The following NEIL1 variants were observed in gnomAD, a reference collection of about 807,000 sequenced individuals.
NEIL1 encodes the protein endonuclease 8-like 1.
Under a neutral mutation model 44.2 loss-of-function variants are expected in NEIL1, and 31 were observed. The ratio of observed to expected loss-of-function variants is 0.70; its 90% CI spans 0.53 to 0.95. The LOEUF is 0.95. Ranked by LOEUF, NEIL1 falls within the 40% of genes least tolerant of loss-of-function variation. The pLI is 0.00. For synonymous variants in NEIL1, 254 were observed against 209.7 expected, an observed-to-expected ratio of 1.21 and a Z score of -1.83; for missense variants, 549 against 515.5, an observed-to-expected ratio of 1.07 and a Z score of -0.63.
chr15:75,348,275 C>G (rs2071599977), intron 1 of NEIL1: 2 of 963,492 alleles, frequency 2.1e-6, no homozygotes, highest in African/African-American at 1.8e-5. Context: ...GCCAAGCGGC[C>G]GATTCGGCCG....
chr15:75,350,025 G>A (rs2071758477), intron 2 of NEIL1, among the ~76,000 whole-genome samples: 2 of 152,250 alleles, frequency 1.3e-5, no homozygotes, highest in African/African-American at 4.8e-5. Flanking sequence ...ATTGTTTCAA[G>A]GGGATGGGGA....
At chr15:75,349,402 C>T in intron 2 of NEIL1, 63 bp downstream of exon 2, 1 of 1,478,730 alleles carries the variant, frequency 6.8e-7, no homozygotes, top group South Asian at 1.3e-5. Context: ...CTCTTAGTGC[C>T]TTCTTGGCCA....
chr15:75,354,921 C>G (rs752693186), intron 9 of NEIL1, 43 bp from the exon 10 acceptor site: 7 of 1,612,598 alleles, frequency 4.3e-6, no homozygotes, highest in Non-Finnish European at 5.9e-6. Flanking sequence ...GCCATGGCAG[C>G]CCCTGGAGTC....
rs1464481108 is a variant in NEIL1 at position 75,354,663 on chromosome 15, C to G, written c.947C>G (p.Pro316Arg). 6.2e-7 allele frequency: 1 copy of G among 1,614,122 alleles called. No individual in the cohort carries two copies. Among genetic ancestry groups the G allele is most frequent in the East Asian group, 2.2e-5 (1 of 44,876 alleles). Reference protein sequence around the residue: ...SPEDRVEDALPPSKAPSRTRR... With the variant: ...SPEDRVEDALRPSKAPSRTRR... ...GTCTCCTCCATCCAGGACGCTTTGC[C>G]TCCAAGCAAGGCCCCTTCCAGGACA... Residue 316 changes from proline (P) to arginine (R), a missense_variant, in exon 9 of 10, where the codon CCT (proline) becomes CGT (arginine). By Grantham distance (103) the Pro-to-Arg change is moderately radical. Coordinates refer to ENST00000355059, the MANE Select transcript of NEIL1 (RefSeq NM_024608.4).
intron 1 of NEIL1, chr15:75,348,229 T>C (rs1179135668): frequency 1.2e-5 from 10 of 808,334 alleles, no homozygotes; most frequent in Non-Finnish European, 1.5e-5. Context: ...GCCGCGGGGA[T>C]GTCCGGTCCG....
At chr15:75,354,153 C>G (rs1439360931) in intron 6 of NEIL1, 97 bp from the exon 7 acceptor site, 1 of 1,380,312 alleles carries the variant, frequency 7.2e-7, no homozygotes, top group African/African-American at 1.4e-5. Flanking sequence ...AGAAGCTACA[C>G]TGATCTGGAT....
At chr15:75,352,472 C>T (rs531039383) in intron 4 of NEIL1, 85 bp downstream of exon 4, 1 of 1,575,516 alleles carries the variant, frequency 6.3e-7, no homozygotes, top group Admixed American at 1.7e-5. Flanking sequence ...GTCAGGTGTC[C>T]CCAGCTTAGC....
chr15:75,352,779 T>G (rs1022562514), intron 5 of NEIL1, 78 bp downstream of exon 5: 1 of 1,168,934 alleles, frequency 8.6e-7, no homozygotes, highest in Non-Finnish European at 1.2e-6. Context: ...TCTCTGGACC[T>G]GATTCACCGA....
Position 75,354,509 on chromosome 15 carries a change from C to T in NEIL1, c.936+17C>T, listed in dbSNP as rs5745930. On this transcript the variant is annotated intron_variant, in intron 8 of 9. Coordinates refer to ENST00000355059, the MANE Select transcript of NEIL1 (RefSeq NM_024608.4). ...AGAGTGGAGGTATGGCTGCCTGCTC[C>T]CGCCTCCTCCCCTGCACTCTGCAGC... The T allele has an allele frequency of 4.3e-5, 69 of 1,614,040 alleles. No homozygotes were observed. The African/African-American group carries it at 8.3e-4, about 19-fold the overall frequency.
rs762589940 is a variant in NEIL1 at position 75,356,622 on chromosome 15, T to G, written c.*1588T>G. 2 of 1,563,934 alleles carry G rather than the reference T, an allele frequency of 1.3e-6. No homozygotes were observed. ...AGCACTCACCCTTGTGCGGCATCAG[T>G]GCATAGGTGAACTCGTGGCGCCCCG... is the stretch of plus-strand genomic sequence containing the variant. On this transcript the variant is annotated 3_prime_UTR_variant, in exon 10 of 10. Coordinates refer to ENST00000355059, the MANE Select transcript of NEIL1 (RefSeq NM_024608.4). The surrounding 1 kb of genome is among the most constrained non-coding windows in gnomAD (Gnocchi z 5.8).
intron 4 of NEIL1, 49 bp downstream of exon 4, chr15:75,352,436 C>T: frequency 1.2e-6 from 2 of 1,605,556 alleles, no homozygotes; most frequent in Admixed American, 1.7e-5. Flanking sequence ...CTGGTGTCCA[C>T]ATGGGCCGGC....
In NEIL1 at chr15:75,356,194, G is replaced by A. The variant is rs769489635; in HGVS notation, c.*1160G>A. On this transcript the variant is annotated 3_prime_UTR_variant, in exon 10 of 10. Coordinates refer to ENST00000355059, the MANE Select transcript of NEIL1 (RefSeq NM_024608.4). This position sits in a 1 kb window ranked among gnomAD's most constrained non-coding sequence, Gnocchi z 5.8. ...GGCCTCATACAGCCTCAGGACCAGC[G>A]AGCGGCGCTGGGGGCTGCTCTCCGC... The A allele has an allele frequency of 5.6e-6, 9 of 1,613,390 alleles. No individual in the cohort carries two copies. The East Asian group carries it at 8.9e-5, about 16-fold the overall frequency.
chr15:75,350,299 T>C (rs2071781954), intron 2 of NEIL1, among the ~76,000 whole-genome samples: 1 of 152,170 alleles, frequency 6.6e-6, no homozygotes. Context: ...GTGAACAAGA[T>C]GAATGTGGTC....
Position 75,353,801 on chromosome 15 carries a change from C to G in NEIL1, c.781C>G (p.Arg261Gly). 2 of 1,613,868 alleles carry G rather than the reference C, an allele frequency of 1.2e-6. No homozygotes were observed. Reference sequence around the variant, plus strand: ...CTTTGCTGCCTTTCGAGCCTGGCTGCGCTGCTATGGCATGCCAGGCATGAG... The same window carrying G: ...CTTTGCTGCCTTTCGAGCCTGGCTGGGCTGCTATGGCATGCCAGGCATGAG... The part of the protein sequence containing the change: ...EDFAAFRAWL[R>G]CYGMPGMSSL... Residue 261 changes from arginine to glycine, a missense_variant, in exon 6 of 10, where the codon CGC becomes GGC. Transcript: ENST00000355059.
At chr15:75,347,884 C>A in intron 1 of NEIL1, 1 of 1,212,164 alleles carries the variant, frequency 8.2e-7, no homozygotes, top group African/African-American at 1.6e-5. Flanking sequence ...GGGTGCCAGG[C>A]CAGGGGCGGC....
intron 1 of NEIL1, chr15:75,348,023 G>A (rs2071574788): frequency 1.8e-5 from 21 of 1,164,630 alleles, no homozygotes; most frequent in Non-Finnish European, 2.2e-5. Flanking sequence ...CAGGGAGGGC[G>A]GAGGTGAGGA....
chr15:75,348,093 C>A, intron 1 of NEIL1: 1 of 958,030 alleles, frequency 1.0e-6, no homozygotes, highest in Non-Finnish European at 1.3e-6. Flanking sequence ...TCCCCCAGGC[C>A]CGGGGCAGGA....
In NEIL1 at chr15:75,352,387, G is replaced by A. The variant is rs376582145; in HGVS notation, c.618G>A (p.Pro206=). The change falls in exon 4 of 10, where the codon CCG becomes CCA. Residue 206 remains proline, a splice_region_variant and synonymous_variant. Transcript: ENST00000355059. ...TGGAGGCCCTGCAGCAGCACAGGCC[G>A]GTAAGCCCAGAGAGGGATGGAGCAC... ...SVLEALQQHR[P]SPELTLSQKI... 2.0e-5 allele frequency: 33 copies of A among 1,613,520 alleles called. No individual in the cohort carries two copies. The highest frequency in any genetic ancestry group is 4.4e-5 in the South Asian group (4 of 91,060).
chr15:75,353,664 C>T, intron 5 of NEIL1, 75 bp from the exon 6 acceptor site: 1 of 1,527,072 alleles, frequency 6.5e-7, no homozygotes, highest in South Asian at 1.1e-5. Flanking sequence ...AGGTCTGGGC[C>T]AGGTCTAACC....
Sources: gnomAD v4.1 joint callset for allele counts (sites outside exome capture counted in the v4.1 genomes callset) on GRCh38, gnomAD v4.1.1 for gene constraint, Gnocchi (gnomAD v3.1) non-coding constraint, MANE v1.5 for transcripts, NCBI Gene and HGNC (gene_info 2026-07-23, HGNC 2026-07-21) for gene names.